ARID1B: variants seen among roughly 807,000 people sequenced by gnomAD.
The protein encoded by ARID1B is AT-rich interaction domain 1B.
A neutral mutation model predicts 212.3 loss-of-function variants in ARID1B; 30 were observed. The observed-to-expected ratio is 0.14, with a 90% CI of 0.11 to 0.19. The LOEUF (loss-of-function observed/expected upper bound fraction) is 0.19, where lower values mean the gene tolerates loss of function less well. ARID1B is among the 10% of genes least tolerant of loss of function. The pLI is 1.00. For synonymous variants in ARID1B, 1,402 were observed against 1,301.7 expected (o/e 1.08, Z -1.66); for missense variants, 2,891 against 3,204.0 (o/e 0.90, Z 2.36).
intron 4 of ARID1B, among the ~76,000 whole-genome samples, chr6:156,983,603 G>A (rs1180148655): frequency 6.6e-6 from 1 of 152,116 alleles, no homozygotes; most frequent in Non-Finnish European, 1.5e-5. Context: ...AGGACATGGT[G>A]GGTGAAGTCT....
intron 4 of ARID1B, among the ~76,000 whole-genome samples, chr6:157,009,906 T>G (rs1348691374): frequency 6.6e-6 from 1 of 152,194 alleles, no homozygotes; most frequent in African/African-American, 2.4e-5. Context: ...GACCCACCCC[T>G]TGAGTGAAGA....
At chr6:156,951,419 A>C (rs1793578097) in intron 4 of ARID1B, among the ~76,000 whole-genome samples, 1 of 152,206 alleles carries the variant, frequency 6.6e-6, no homozygotes, top group Non-Finnish European at 1.5e-5. Flanking sequence ...TAATTATTAA[A>C]GTAAAACACT....
chr6:156,842,293 G>A (rs1783956478), intron 2 of ARID1B, among the ~76,000 whole-genome samples: 1 of 152,122 alleles, frequency 6.6e-6, no homozygotes, highest in African/African-American at 2.4e-5. Context: ...CTTCCCCCCA[G>A]GCAACTGCTA....
At position 156,965,756 on chromosome 6, in the gene ARID1B, G is replaced by A. The variant is rs544572369; in HGVS notation, c.2247+30180G>A. On this transcript the variant is annotated intron_variant, in intron 4 of 19. Coordinates refer to ENST00000636930, the MANE Select transcript of ARID1B (RefSeq NM_001374828.1). ...TTGGGGGGCAGTTTGTGAACAATAA[G>A]ATTTTTTTATTGTTAGCTCGATTGT... Among the ~76,000 whole-genome samples the A allele has an allele frequency of 2.6e-5, 4 of 152,212 alleles. No homozygotes were observed. The East Asian group carries it at 7.7e-4, about 29-fold the overall frequency.
chr6:156,978,883 C>G (rs145503766), intron 4 of ARID1B, among the ~76,000 whole-genome samples: 2 of 152,146 alleles, frequency 1.3e-5, no homozygotes, highest in African/African-American at 2.4e-5. Flanking sequence ...GTATGTTATT[C>G]CATTTGTTCC....
At chr6:157,004,142 C>G (rs1048045922) in intron 4 of ARID1B, among the ~76,000 whole-genome samples, 3 of 152,096 alleles carry the variant, frequency 2.0e-5, no homozygotes, top group African/African-American at 7.2e-5. Context: ...TGACCTCAAG[C>G]AATCCTCTCG....
intron 16 of ARID1B, among the ~76,000 whole-genome samples, chr6:157,198,203 GTTA>G (rs1296472417): frequency 2.6e-5 from 4 of 152,080 alleles, no homozygotes; most frequent in African/African-American, 9.7e-5. Flanking sequence ...AATCATCCCT[GTTA>G]TTCTTTTCTG....
chr6:156,948,220 T>C (rs1317868392), intron 4 of ARID1B, among the ~76,000 whole-genome samples: 1 of 152,230 alleles, frequency 6.6e-6, no homozygotes, highest in African/African-American at 2.4e-5. Flanking sequence ...TGCATTTATT[T>C]ATTTATTTCT....
chr6:156,929,869 A>G (rs1253401394), intron 3 of ARID1B, among the ~76,000 whole-genome samples: 1 of 150,880 alleles, frequency 6.6e-6, no homozygotes, highest in African/African-American at 2.4e-5. Context: ...TCCCTCCTCC[A>G]TTCCTCCATC....
Position 157,084,794 on chromosome 6 carries a change from G to A in ARID1B, c.2380G>A (p.Ala794Thr), listed in dbSNP as rs1420907045. The A allele has an allele frequency of 6.2e-7, 1 of 1,614,084 alleles. No homozygotes were observed. The highest frequency in any genetic ancestry group is 2.2e-5 in the East Asian group (1 of 44,872). Residue 794 changes from alanine (A) to threonine (T), a missense_variant, in exon 5 of 20, where the codon GCG becomes ACG. Ala to Thr is a moderately conservative substitution (Grantham distance 58). This residue lies in a region of ARID1B where 1,643 missense variants were observed against 1,544.0 expected (regional missense o/e 1.06). Coordinates refer to ENST00000636930, the MANE Select transcript of ARID1B (RefSeq NM_001374828.1). ...GGCGCAGTCGCCTTTCTCCCCACAT[G>A]CGTCCCCTCATCTCTCCAGCATCCC... is the stretch of plus-strand genomic sequence containing the variant. ...NPAQSPFSPH[A>T]SPHLSSIPGG...
chr6:157,203,921 G>A lies in ARID1B; in HGVS notation c.5319G>A (p.Glu1773=). Reference sequence around the variant, plus strand: ...CCCTTAAATCAGGTCTTTTGGCTGAGAGTACGTGGGCTTTGGACACTATTA... The same window carrying A: ...CCCTTAAATCAGGTCTTTTGGCTGAAAGTACGTGGGCTTTGGACACTATTA... ...MMSLKSGLLA[E]STWALDTINI... The change falls in exon 19 of 20, where the codon GAG becomes GAA. Residue 1773 remains glutamate, a synonymous_variant. Coordinates refer to ENST00000636930, the MANE Select transcript of ARID1B (RefSeq NM_001374828.1). The surrounding 1 kb of genome is among the most constrained non-coding windows in gnomAD (Gnocchi z 4.4). The A allele has an allele frequency of 6.2e-7, 1 of 1,614,170 alleles. No homozygotes were observed. The highest frequency in any genetic ancestry group is 8.5e-7 in the Non-Finnish European group (1 of 1,180,006).
At chr6:157,055,944 C>A (rs1393007982) in intron 4 of ARID1B, among the ~76,000 whole-genome samples, 2 of 152,200 alleles carry the variant, frequency 1.3e-5, no homozygotes, top group Admixed American at 1.3e-4. Flanking sequence ...CACAACATGG[C>A]AGCAGGCAGG....
intron 1 of ARID1B, among the ~76,000 whole-genome samples, chr6:156,810,907 G>T (rs559817961): frequency 6.6e-6 from 1 of 152,124 alleles, no homozygotes; most frequent in Non-Finnish European, 1.5e-5. Flanking sequence ...AACACACATC[G>T]ATTATGTCAG....
At chr6:157,033,973 A>G (rs1324675289) in intron 4 of ARID1B, among the ~76,000 whole-genome samples, 1 of 152,096 alleles carries the variant, frequency 6.6e-6, no homozygotes, top group Non-Finnish European at 1.5e-5. Context: ...AGAGTATTCA[A>G]ATTTGTCTCT....
At chr6:156,810,753 A>C (rs981217241) in intron 1 of ARID1B, among the ~76,000 whole-genome samples, 6 of 152,184 alleles carry the variant, frequency 3.9e-5, no homozygotes, top group African/African-American at 1.4e-4. Context: ...AGAATGTGAG[A>C]GCACCAACAC....
intron 4 of ARID1B, among the ~76,000 whole-genome samples, chr6:156,997,662 T>G (rs1778673055): frequency 1.4e-5 from 2 of 140,352 alleles, no homozygotes; most frequent in South Asian, 2.1e-4. Flanking sequence ...TTAACTTGTT[T>G]TTTTTTTTTT....
At chr6:157,082,860 T>C (rs1583276170) in intron 4 of ARID1B, among the ~76,000 whole-genome samples, 1 of 152,268 alleles carries the variant, frequency 6.6e-6, no homozygotes, top group Non-Finnish European at 1.5e-5. Context: ...TAGAAAGATA[T>C]TCTTCTTAGC....
chr6:156,847,321 T>C (rs287898), intron 2 of ARID1B, among the ~76,000 whole-genome samples: 98,048 of 152,122 alleles, frequency 0.64, 31,991 homozygotes, highest in African/African-American at 0.7. Context: ...GGGAACCTGG[T>C]CTGAGGAGGC....
intron 4 of ARID1B, among the ~76,000 whole-genome samples, chr6:156,948,306 C>T (rs534045204): frequency 6.2e-4 from 94 of 152,166 alleles, no homozygotes; most frequent in Non-Finnish European, 1.0e-3. Flanking sequence ...TAGCCTTGAA[C>T]GCCTAGACTC....
Sources: gnomAD v4.1 joint callset for allele counts (sites outside exome capture counted in the v4.1 genomes callset) on GRCh38, gnomAD v4.1.1 for gene constraint, gnomAD v4.1.1 regional missense constraint, Gnocchi (gnomAD v3.1) non-coding constraint, MANE v1.5 for transcripts, NCBI Gene and HGNC (gene_info 2026-07-23, HGNC 2026-07-21) for gene names.